The following PCDH9 variants were observed in gnomAD, a reference collection of about 807,000 sequenced individuals.
PCDH9 encodes protocadherin 9.
A neutral mutation model predicts 70.6 loss-of-function variants in PCDH9; 24 were observed. That is an observed-to-expected ratio of 0.34 (90% CI 0.25 to 0.48). PCDH9 has a LOEUF of 0.48. PCDH9 is among the 20% of genes least tolerant of loss of function. PCDH9 has a pLI of 0.99. For missense variants in PCDH9, 1,281 were observed against 1,503.6 expected, an observed-to-expected ratio of 0.85 and a Z score of 2.45; for synonymous variants, 562 against 558.5, an observed-to-expected ratio of 1.01 and a Z score of -0.09.
At position 66,840,604 on chromosome 13, in the gene PCDH9, T is replaced by C. The variant is rs191880166; in HGVS notation, c.3138+62900A>G. Reference sequence around the variant, plus strand: ...ACTACCAGAATTTTATATTGACTTGTGCAGCAACAAAGCACTTGCAAGGAG... The same window carrying C: ...ACTACCAGAATTTTATATTGACTTGCGCAGCAACAAAGCACTTGCAAGGAG... On this transcript the variant is annotated intron_variant, in intron 3 of 4. Coordinates refer to ENST00000377865, the MANE Select transcript of PCDH9 (RefSeq NM_203487.3). 1.5e-3 allele frequency among the ~76,000 whole-genome samples: 229 copies of C among 152,344 alleles called. 1 individual carries two copies. Among genetic ancestry groups the C allele is most frequent in the African/African-American group, 5.1e-3 (213 of 41,588 alleles).
Position 67,141,208 on chromosome 13 carries a change from G to C in PCDH9, c.3036+84197C>G, listed in dbSNP as rs17082163. Reference sequence around the variant, plus strand: ...GAGAGAAGAGCACATATGCAATACAGTGGGCTAAGTGTTATGAGTAAGTGG... The same window carrying C: ...GAGAGAAGAGCACATATGCAATACACTGGGCTAAGTGTTATGAGTAAGTGG... On this transcript the variant is annotated intron_variant, in intron 2 of 4. Transcript: ENST00000377865. Among the ~76,000 whole-genome samples, 327 of 152,278 alleles carry C rather than the reference G, an allele frequency of 2.1e-3. 2 individuals carry two copies. Among genetic ancestry groups the C allele is most frequent in the African/African-American group, 7.5e-3 (311 of 41,564 alleles).
chr13:66,610,186 C>T (rs2077275874), intron 4 of PCDH9, among the ~76,000 whole-genome samples: 1 of 151,876 alleles, frequency 6.6e-6, no homozygotes, highest in Non-Finnish European at 1.5e-5. Flanking sequence ...CAAATATCCA[C>T]ACGCTAAGAT....
chr13:67,112,908 T>C (rs1175298664), intron 2 of PCDH9, among the ~76,000 whole-genome samples: 1 of 152,024 alleles, frequency 6.6e-6, no homozygotes, highest in African/African-American at 2.4e-5. Context: ...TTTTGTTATT[T>C]TTTGTAGAGA....
chr13:66,791,035 C>T (rs1000874653), intron 3 of PCDH9, among the ~76,000 whole-genome samples: 40 of 152,060 alleles, frequency 2.6e-4, no homozygotes, highest in Non-Finnish European at 7.4e-5. Flanking sequence ...TAGCTCTAAG[C>T]CTTTAGTGAA....
chr13:66,866,341 G>T (rs1594174289), intron 3 of PCDH9, among the ~76,000 whole-genome samples: 1 of 152,096 alleles, frequency 6.6e-6, no homozygotes, highest in South Asian at 2.1e-4. Flanking sequence ...AATTAGCTGG[G>T]CATGGTGGCG....
chr13:66,742,029 T>C (rs10459390), intron 3 of PCDH9, among the ~76,000 whole-genome samples: 20,820 of 106,364 alleles, frequency 0.2, 2,022 homozygotes, highest in East Asian at 0.32. Context: ...GAGCCCGCAT[T>C]GCCAAGTCAA....
At chr13:66,989,400 A>G (rs997787966) in intron 2 of PCDH9, among the ~76,000 whole-genome samples, 6 of 151,928 alleles carry the variant, frequency 3.9e-5, no homozygotes, top group Non-Finnish European at 4.4e-5. Flanking sequence ...TAGCCATTAA[A>G]TGTACTAAAA....
chr13:66,581,867 T>A (rs1274781200), intron 4 of PCDH9, among the ~76,000 whole-genome samples: 3 of 152,164 alleles, frequency 2.0e-5, no homozygotes, highest in African/African-American at 7.2e-5. Context: ...CCACCAGTCA[T>A]CCTATTTAGA....
At chr13:67,140,709 A>C (rs1191820497) in intron 2 of PCDH9, among the ~76,000 whole-genome samples, 2 of 152,114 alleles carry the variant, frequency 1.3e-5, no homozygotes, top group Non-Finnish European at 2.9e-5. Flanking sequence ...TGATCTCTTT[A>C]TTTGTACCTT....
chr13:66,717,262 C>T (rs947749731), intron 3 of PCDH9, among the ~76,000 whole-genome samples: 2 of 151,186 alleles, frequency 1.3e-5, no homozygotes, highest in Non-Finnish European at 2.9e-5. Context: ...TCAAGACCAG[C>T]CTGGCCAAAA....
At chr13:66,650,919 A>C in intron 3 of PCDH9, among the ~76,000 whole-genome samples, 1 of 152,010 alleles carries the variant, frequency 6.6e-6, no homozygotes, top group East Asian at 1.9e-4. Flanking sequence ...ATTAAATAAT[A>C]CATGCCTGAA....
rs184714114 is a variant in PCDH9, at chr13:66,873,454, G to A, written c.3138+30050C>T. ...ACATGAGAAATGCATTACCAAGGACGAGAAGCTCTTTACTCACCAAGCCAA... is the reference window on the plus strand; with the variant it reads ...ACATGAGAAATGCATTACCAAGGACAAGAAGCTCTTTACTCACCAAGCCAA... On this transcript the variant is annotated intron_variant, in intron 3 of 4. Transcript: ENST00000377865. Among the ~76,000 whole-genome samples the A allele has an allele frequency of 7.9e-5, 12 of 152,252 alleles. No individual in the cohort carries two copies. The East Asian group carries it at 1.5e-3, about 20-fold the overall frequency.
At chr13:66,543,695 A>T (rs945460923) in intron 4 of PCDH9, among the ~76,000 whole-genome samples, 10 of 152,210 alleles carry the variant, frequency 6.6e-5, no homozygotes, top group Non-Finnish European at 1.5e-5. Context: ...CAATTGAATT[A>T]AACATATTTA....
chr13:66,367,764 T>G (rs1247309735), intron 4 of PCDH9, among the ~76,000 whole-genome samples: 1 of 152,136 alleles, frequency 6.6e-6, no homozygotes, highest in African/African-American at 2.4e-5. Flanking sequence ...CTCAGATGTT[T>G]GGACTATATT....
At chr13:67,026,696 G>C (rs2084789451) in intron 2 of PCDH9, among the ~76,000 whole-genome samples, 1 of 152,012 alleles carries the variant, frequency 6.6e-6, no homozygotes, top group Non-Finnish European at 1.5e-5. Context: ...TCCTTAAGCT[G>C]ATCAGCAACT....
intron 2 of PCDH9, among the ~76,000 whole-genome samples, chr13:67,076,800 C>T (rs1348057553): frequency 1.3e-5 from 2 of 152,198 alleles, no homozygotes; most frequent in Admixed American, 6.6e-5. Context: ...ATCACCGGCC[C>T]CACTCAATGG....
intron 4 of PCDH9, among the ~76,000 whole-genome samples, chr13:66,470,238 G>C (rs1031494363): frequency 3.9e-5 from 6 of 152,094 alleles, no homozygotes; most frequent in Non-Finnish European, 8.8e-5. Context: ...AGATGAGAAA[G>C]AGAAAATAAC....
At chr13:67,175,823 A>G (rs2088435551) in intron 2 of PCDH9, among the ~76,000 whole-genome samples, 1 of 152,116 alleles carries the variant, frequency 6.6e-6, no homozygotes, top group Admixed American at 6.6e-5. Context: ...TGATCTACTT[A>G]CCTCTATAAA....
At chr13:66,916,050 G>T (rs1222741424) in intron 2 of PCDH9, among the ~76,000 whole-genome samples, 1 of 151,390 alleles carries the variant, frequency 6.6e-6, no homozygotes, top group Non-Finnish European at 1.5e-5. Context: ...TTATAGATGA[G>T]GAAATGAAAG....
Sources: gnomAD v4.1 joint callset for allele counts (sites outside exome capture counted in the v4.1 genomes callset) on GRCh38, gnomAD v4.1.1 for gene constraint, MANE v1.5 for transcripts, NCBI Gene and HGNC (gene_info 2026-07-23, HGNC 2026-07-21) for gene names.